Variants in RAD50 observed in about 807,000 individuals in gnomAD.
RAD50 encodes the protein DNA repair protein RAD50.
In RAD50, 132 loss-of-function variants were observed where a neutral mutation model predicts 168.8. The ratio of observed to expected loss-of-function variants is 0.78; its 90% CI spans 0.68 to 0.90. RAD50 has a LOEUF of 0.90. RAD50 is among the 40% of genes least tolerant of loss of function. RAD50 has a pLI of 0.00. For missense variants in RAD50, 1,347 were observed against 1,534.4 expected, an observed-to-expected ratio of 0.88 and a Z score of 2.04; for synonymous variants, 525 against 497.4, an observed-to-expected ratio of 1.06 and a Z score of -0.74.
intron 1 of RAD50, among the ~76,000 whole-genome samples, chr5:132,557,790 T>A (rs1750033516): frequency 6.6e-6 from 1 of 152,252 alleles, no homozygotes; most frequent in Non-Finnish European, 1.5e-5. Flanking sequence ...TTTCAAAGCA[T>A]AGCATTCACT....
chr5:132,576,402 G>A (rs1750400816), intron 3 of RAD50, among the ~76,000 whole-genome samples: 1 of 152,176 alleles, frequency 6.6e-6, no homozygotes, highest in Non-Finnish European at 1.5e-5. Context: ...TTCTGTTAGA[G>A]GCAGGTATCA....
At position 132,587,688 on chromosome 5, in the gene RAD50, A is replaced by T; in HGVS notation, c.883A>T (p.Lys295Ter). 6.2e-7 allele frequency: 1 copy of T among 1,613,720 alleles called. No homozygotes were observed. The highest frequency in any genetic ancestry group is 8.5e-7 in the Non-Finnish European group (1 of 1,179,836). ...TAGTGAACTGGAAGAGAAAATGGAAAAGGTTTGTGGTGGTAGAATTTTGTT... is the reference window on the plus strand; with the variant it reads ...TAGTGAACTGGAAGAGAAAATGGAATAGGTTTGTGGTGGTAGAATTTTGTT... ...DNSELEEKME[K>*]VFQGTDEQLN... Residue 295 changes from lysine to a stop codon, truncating the protein, a stop_gained and splice_region_variant, in exon 6 of 25, where the codon AAG becomes TAG. Transcript: ENST00000378823. LOFTEE classifies it high-confidence loss of function.
intron 19 of RAD50, among the ~76,000 whole-genome samples, chr5:132,610,996 G>A (rs1241461331): frequency 2.0e-5 from 3 of 152,306 alleles, no homozygotes; most frequent in Admixed American, 1.3e-4. Context: ...GGAAAACAAG[G>A]CAGTGTAGAA....
chr5:132,618,343 A>G, intron 21 of RAD50, 49 bp downstream of exon 21: 1 of 1,605,466 alleles, frequency 6.2e-7, no homozygotes, highest in African/African-American at 1.3e-5. Context: ...ATTAACTAAC[A>G]TACTTTAGTC....
chr5:132,642,477 C>T lies in RAD50; in HGVS notation c.*113C>T. 9.6e-7 allele frequency: 1 copy of T among 1,039,768 alleles called. No individual in the cohort carries two copies. The highest frequency in any genetic ancestry group is 1.6e-5 in the South Asian group (1 of 63,374). The allele number at this position is 1,039,768 out of a possible 1,614,324, so 64.4% of individuals were successfully genotyped here. ...AAGAAAATATATTCTTTCAAAGGAA[C>T]ATTGTGTCTAGGATTTTGGATGTTG... On this transcript the variant is annotated 3_prime_UTR_variant, in exon 25 of 25. Coordinates refer to ENST00000378823, the MANE Select transcript of RAD50 (RefSeq NM_005732.4).
intron 4 of RAD50, 136 bp downstream of exon 4, chr5:132,579,638 A>G: frequency 2.2e-6 from 2 of 903,940 alleles, no homozygotes; most frequent in South Asian, 1.6e-5. Flanking sequence ...AGCAGCAACC[A>G]TTGGGCATAT....
At chr5:132,559,969 G>A (rs1750094278) in intron 2 of RAD50, among the ~76,000 whole-genome samples, 1 of 151,928 alleles carries the variant, frequency 6.6e-6, no homozygotes, top group African/African-American at 2.4e-5. Flanking sequence ...TTGAATTATG[G>A]TGTTTATACT....
intron 24 of RAD50, among the ~76,000 whole-genome samples, chr5:132,641,207 A>G (rs1190785685): frequency 6.6e-6 from 1 of 152,168 alleles, no homozygotes; most frequent in Admixed American, 6.5e-5. Context: ...CCAGCTTTCC[A>G]CATGTGTCAG....
chr5:132,646,230 T>G lies in RAD50; in HGVS notation c.*3866T>G. The G allele has an allele frequency of 6.6e-6, 1 of 152,146 alleles. No homozygotes were observed. The highest frequency in any genetic ancestry group is 1.5e-5 in the Non-Finnish European group (1 of 68,018). 9.4% of individuals were successfully genotyped at this position (152,146 alleles called of 1,614,324 possible). ...CTATACACTGATAACTCATAAATGTTTGTGTCCAATCCAGATCTCTCCTAA... is the reference window on the plus strand; with the variant it reads ...CTATACACTGATAACTCATAAATGTGTGTGTCCAATCCAGATCTCTCCTAA... On this transcript the variant is annotated 3_prime_UTR_variant, in exon 25 of 25. Transcript: ENST00000378823.
chr5:132,582,972 A>G (rs991822392), intron 5 of RAD50, among the ~76,000 whole-genome samples: 1 of 152,208 alleles, frequency 6.6e-6, no homozygotes, highest in Non-Finnish European at 1.5e-5. Context: ...ATGTCATGAA[A>G]GATCCAAGCC....
In RAD50 at chr5:132,640,657, G is replaced by C. The variant is rs773550133; in HGVS notation, c.3619-15G>C. The C allele has an allele frequency of 2.5e-6, 4 of 1,614,144 alleles. No individual in the cohort carries two copies. In the East Asian group the frequency reaches 6.7e-5, roughly 27 times the overall value. On this transcript the variant is annotated splice_polypyrimidine_tract_variant and intron_variant, in intron 23 of 24. Transcript: ENST00000378823. ...AGGTCTGTGCTGGGCTTCTCACATA[G>C]GGGCTTTTTTCCAGGTATTAGCCTC...
chr5:132,575,225 G>C (rs749523753), intron 2 of RAD50, among the ~76,000 whole-genome samples: 1 of 152,208 alleles, frequency 6.6e-6, no homozygotes, highest in Non-Finnish European at 1.5e-5. Flanking sequence ...AATCATGGTG[G>C]AAGGTAAGGA....
chr5:132,639,030 C>T (rs973940881), intron 23 of RAD50, among the ~76,000 whole-genome samples: 1 of 152,142 alleles, frequency 6.6e-6, no homozygotes. Flanking sequence ...CATTATCTAA[C>T]TCATTTTCAT....
chr5:132,576,318 A>G (rs1347048934), intron 3 of RAD50, among the ~76,000 whole-genome samples: 1 of 152,228 alleles, frequency 6.6e-6, no homozygotes, highest in Non-Finnish European at 1.5e-5. Context: ...TTCTAGTGTC[A>G]TGTTTAAGAA....
intron 21 of RAD50, among the ~76,000 whole-genome samples, chr5:132,619,903 G>GAGAGAGAGAT (rs1554099998): frequency 2.2e-5 from 3 of 135,098 alleles, no homozygotes; most frequent in African/African-American, 9.3e-5. Flanking sequence ...GAGAGAGAGA[G>GAGAGAGAGAT]ATATATCTTT....
chr5:132,643,278 T>C lies in RAD50; in HGVS notation c.*914T>C. The C allele has an allele frequency of 3.9e-6, 1 of 253,262 alleles. No homozygotes were observed. Among genetic ancestry groups the C allele is most frequent in the East Asian group, 5.3e-5 (1 of 18,902 alleles). The allele number at this position is 253,262 out of a possible 1,614,324, so 15.7% of individuals were successfully genotyped here. ...CCAACCAGACCTGGAAGAACAGGCCTCTCCATTTGCTCTTCAGATGCCACT... is the reference window on the plus strand; with the variant it reads ...CCAACCAGACCTGGAAGAACAGGCCCCTCCATTTGCTCTTCAGATGCCACT... On this transcript the variant is annotated 3_prime_UTR_variant, in exon 25 of 25. Transcript: ENST00000378823.
At chr5:132,565,042 G>A (rs981663498) in intron 2 of RAD50, among the ~76,000 whole-genome samples, 1 of 152,162 alleles carries the variant, frequency 6.6e-6, no homozygotes, top group African/African-American at 2.4e-5. Flanking sequence ...TGGATCATGG[G>A]GGTAGATTTC....
chr5:132,639,463 A>G (rs772274846), intron 23 of RAD50, among the ~76,000 whole-genome samples: 1 of 152,164 alleles, frequency 6.6e-6, no homozygotes, highest in Non-Finnish European at 1.5e-5. Flanking sequence ...ATCATAGTCT[A>G]CAAAAATGAC....
intron 21 of RAD50, among the ~76,000 whole-genome samples, chr5:132,624,143 G>C (rs1751331111): frequency 1.3e-5 from 2 of 152,106 alleles, no homozygotes; most frequent in Admixed American, 1.3e-4. Context: ...TTGTGAGTGG[G>C]TACGTTAACA....
Sources: gnomAD v4.1 joint callset for allele counts (sites outside exome capture counted in the v4.1 genomes callset) on GRCh38, gnomAD v4.1.1 for gene constraint, MANE v1.5 for transcripts, NCBI Gene and HGNC (gene_info 2026-07-23, HGNC 2026-07-21) for gene names.